The following DPP6 variants were observed in gnomAD, a reference collection of about 807,000 sequenced individuals.
The protein encoded by DPP6 is dipeptidyl peptidase like 6.
Under a neutral mutation model 122.6 loss-of-function variants are expected in DPP6, and 69 were observed. That is an observed-to-expected ratio of 0.56 (90% CI 0.46 to 0.69). The LOEUF is 0.69. DPP6 is among the 30% of genes least tolerant of loss of function. The pLI is 0.00. For synonymous variants in DPP6, 418 were observed against 433.1 expected (o/e 0.97, Z 0.43); for missense variants, 928 against 1,116.9 (o/e 0.83, Z 2.41).
chr7:154,566,202 G>T (rs1035826576), intron 4 of DPP6, among the ~76,000 whole-genome samples: 1 of 152,120 alleles, frequency 6.6e-6, no homozygotes, highest in African/African-American at 2.4e-5. Context: ...TGAGAAAAAG[G>T]TTTCTAAACA....
Position 154,241,972 on chromosome 7 carries a change from C to G in DPP6, c.243+188909C>G, listed in dbSNP as rs1468680981. On this transcript the variant is annotated intron_variant, in intron 1 of 25. Coordinates refer to ENST00000377770, the MANE Select transcript of DPP6 (RefSeq NM_130797.4). The surrounding 1 kb of genome is among the most constrained non-coding windows in gnomAD (Gnocchi z 9.0). ...AATTCTTTGCATGTGATTGCTCAGTCTCTTTTAACTTGAAAAGGGGAAGGC... is the reference window on the plus strand; with the variant it reads ...AATTCTTTGCATGTGATTGCTCAGTGTCTTTTAACTTGAAAAGGGGAAGGC... Among the ~76,000 whole-genome samples, 1 of 152,164 alleles carries G rather than the reference C, an allele frequency of 6.6e-6. No homozygotes were observed. Among genetic ancestry groups the G allele is most frequent in the Non-Finnish European group, 1.5e-5 (1 of 68,030 alleles).
At chr7:153,749,366 G>A in the DPP6 span, among the ~76,000 whole-genome samples, 1 of 152,044 alleles carries the variant, frequency 6.6e-6, no homozygotes, top group African/African-American at 2.4e-5. This position sits in a 1 kb window ranked among gnomAD's most constrained non-coding sequence, Gnocchi z 4.1. Flanking sequence ...GGGAGGCAGA[G>A]CCCCTCCCCC....
At chr7:154,574,761 TATATGTGTGTGGTGC>T (rs1470675025) in intron 5 of DPP6, among the ~76,000 whole-genome samples, 1 of 139,084 alleles carries the variant, frequency 7.2e-6, no homozygotes, top group Admixed American at 7.4e-5. Context: ...GTTGTGTGTG[TATATGTGTGTGGTGC>T]ATATGTGTGT....
At chr7:154,773,197 G>A (rs1260284465) in intron 10 of DPP6, among the ~76,000 whole-genome samples, 1 of 152,194 alleles carries the variant, frequency 6.6e-6, no homozygotes, top group Admixed American at 6.5e-5. Context: ...CTCTGGGAGG[G>A]GCATGGCTGG....
chr7:153,887,510 C>T (rs375790148), exon 1 of DPP6: 1 of 626,110 alleles, frequency 1.6e-6, no homozygotes, highest in Non-Finnish European at 2.8e-6. Flanking sequence ...TGAGTAAAGA[C>T]ACGGGCAGGG....
the DPP6 span, among the ~76,000 whole-genome samples, chr7:153,875,405 TAAGAA>T: frequency 3.9e-5 from 6 of 152,056 alleles, no homozygotes; most frequent in African/African-American, 4.8e-5. Context: ...ATAGATGACT[TAAGAA>T]GAGAAGAATG....
At chr7:153,761,530 C>T in the DPP6 span, among the ~76,000 whole-genome samples, 1 of 152,136 alleles carries the variant, frequency 6.6e-6, no homozygotes, top group East Asian at 1.9e-4. Flanking sequence ...TCATGAATGT[C>T]ACCTTATTTC....
chr7:153,845,137 T>C, the DPP6 span, among the ~76,000 whole-genome samples: 1 of 152,180 alleles, frequency 6.6e-6, no homozygotes, highest in Non-Finnish European at 1.5e-5. Flanking sequence ...ATGATTTTAT[T>C]TTACAACTTT....
intron 1 of DPP6, among the ~76,000 whole-genome samples, chr7:154,205,053 G>A (rs1799368298): frequency 6.6e-6 from 1 of 151,750 alleles, no homozygotes; most frequent in African/African-American, 2.4e-5. Context: ...ACACCCTCTG[G>A]TCCTTCATTA....
At chr7:154,082,137 G>T (rs1223006742) in intron 1 of DPP6, among the ~76,000 whole-genome samples, 1 of 152,100 alleles carries the variant, frequency 6.6e-6, no homozygotes, top group Non-Finnish European at 1.5e-5. Context: ...GGTGCTCAAG[G>T]GTTGGAGCCA....
At chr7:153,892,071 A>G (rs771059312) in intron 1 of DPP6, among the ~76,000 whole-genome samples, 2 of 152,220 alleles carry the variant, frequency 1.3e-5, no homozygotes, top group Non-Finnish European at 2.9e-5. Flanking sequence ...TATCTATGGC[A>G]TGACGAGCCT....
At chr7:154,757,693 T>C (rs12112562) in intron 8 of DPP6, among the ~76,000 whole-genome samples, 17,016 of 152,240 alleles carry the variant, frequency 0.11, 1,036 homozygotes, top group Middle Eastern at 0.16. Flanking sequence ...CTGGAGAGTC[T>C]GCCTCACAGC....
intron 1 of DPP6, among the ~76,000 whole-genome samples, chr7:154,254,677 TA>T (rs1802548357): frequency 6.6e-6 from 1 of 152,078 alleles, no homozygotes; most frequent in African/African-American, 2.4e-5. Context: ...GTATGGGTAG[TA>T]AGTGGATTAC....
At chr7:154,101,219 C>T (rs1242415529) in intron 1 of DPP6, among the ~76,000 whole-genome samples, 1 of 136,276 alleles carries the variant, frequency 7.3e-6, no homozygotes, top group Non-Finnish European at 1.7e-5. Flanking sequence ...CTTAATTCTA[C>T]CACAACAAAC....
chr7:154,129,561 G>T (rs1040131246), intron 1 of DPP6, among the ~76,000 whole-genome samples: 2 of 152,206 alleles, frequency 1.3e-5, no homozygotes, highest in Admixed American at 1.3e-4. Context: ...CCAGGCGTTT[G>T]AGACCAGCCT....
chr7:153,890,257 GT>G (rs1349887009), intron 1 of DPP6, among the ~76,000 whole-genome samples: 3 of 152,230 alleles, frequency 2.0e-5, no homozygotes, highest in Non-Finnish European at 2.9e-5. Flanking sequence ...TCTCTGAGCT[GT>G]CTGGACTCGC....
chr7:154,557,939 C>T (rs918263874), intron 4 of DPP6, among the ~76,000 whole-genome samples: 1 of 152,018 alleles, frequency 6.6e-6, no homozygotes, highest in African/African-American at 2.4e-5. Flanking sequence ...AATGGCAAAA[C>T]CACAATTACT....
chr7:154,126,908 C>A (rs1454101260), intron 1 of DPP6, among the ~76,000 whole-genome samples: 1 of 152,084 alleles, frequency 6.6e-6, no homozygotes, highest in African/African-American at 2.4e-5. Flanking sequence ...CTAGTTATAC[C>A]GATTTTCTTC....
intron 10 of DPP6, among the ~76,000 whole-genome samples, chr7:154,783,573 C>T (rs1349347000): frequency 6.6e-6 from 1 of 152,176 alleles, no homozygotes; most frequent in African/African-American, 2.4e-5. Context: ...GGACGCCTCC[C>T]ATCAGTCCAA....
Sources: allele counts gnomAD v4.1 joint callset (sites outside exome capture counted in the v4.1 genomes callset), GRCh38; gene constraint gnomAD v4.1.1; non-coding constraint Gnocchi (gnomAD v3.1); transcripts MANE v1.5; gene names NCBI Gene and HGNC (gene_info 2026-07-23, HGNC 2026-07-21).